Variants in PCDHGA12 observed in about 807,000 individuals in gnomAD.
PCDHGA12 encodes the protein protocadherin gamma-A12.
A neutral mutation model predicts 61.1 loss-of-function variants in PCDHGA12; 43 were observed. The observed-to-expected ratio is 0.70, with a 90% confidence interval of 0.55 to 0.91. The LOEUF is 0.91. Among genes scored for constraint, PCDHGA12 ranks in the 40% least tolerant of loss-of-function variants. The probability of loss-of-function intolerance (pLI) is 0.00; values close to 1 mark genes in which losing one functional copy is unlikely to be tolerated. For missense variants in PCDHGA12, 1,236 were observed against 1,227.7 expected, an observed-to-expected ratio of 1.01 and a Z score of -0.10; for synonymous variants, 520 against 542.9, an observed-to-expected ratio of 0.96 and a Z score of 0.59.
At chr5:141,497,214 G>C (rs929868102) in intron 2 of PCDHGA12, among the ~76,000 whole-genome samples, 2 of 152,138 alleles carry the variant, frequency 1.3e-5, no homozygotes, top group African/African-American at 4.8e-5. Flanking sequence ...TGTAATGGGG[G>C]GGGGAAGATC....
At chr5:141,466,281 C>T (rs555506496) in intron 1 of PCDHGA12, among the ~76,000 whole-genome samples, 76 of 152,252 alleles carry the variant, frequency 5.0e-4, no homozygotes, top group African/African-American at 1.7e-3. Context: ...AGCAATCTTC[C>T]CACCTCAGGC....
rs2099698809 is a variant in PCDHGA12 at position 141,490,343 on chromosome 5, T to C, written c.2425-4464T>C. On this transcript the variant is annotated intron_variant, in intron 1 of 3. Transcript: ENST00000252085. This position sits in a 1 kb window ranked among gnomAD's most constrained non-coding sequence, Gnocchi z 5.4. ...CTAGAGAGCACACCAGTGGGCACAG[T>C]AGTGGGGTTGTTTAATGTGCGAGAC... The C allele has an allele frequency of 6.2e-7, 1 of 1,614,018 alleles. No individual in the cohort carries two copies. Among genetic ancestry groups the C allele is most frequent in the Admixed American group, 1.7e-5 (1 of 60,006 alleles).
Position 141,483,648 on chromosome 5 carries a change from T to TTGTG in PCDHGA12, c.2425-11141_2425-11138dup, listed in dbSNP as rs111458813. ...GGAGAAGGTATAGAGGGGTGTGTGTTTGTGTGTGTGTGTGTGTGTGTAAAA... is the reference window on the plus strand; with the variant it reads ...GGAGAAGGTATAGAGGGGTGTGTGTTTGTGTGTGTGTGTGTGTGTGTGTGTAAAA... On this transcript the variant is annotated intron_variant, in intron 1 of 3. Coordinates refer to ENST00000252085, the MANE Select transcript of PCDHGA12 (RefSeq NM_003735.3). Among the ~76,000 whole-genome samples, 501 of 149,686 alleles carry TTGTG rather than the reference T, an allele frequency of 3.3e-3. 2 individuals are homozygous for TTGTG. Among genetic ancestry groups the TTGTG allele is most frequent in the African/African-American group, 7.3e-3 (297 of 40,842 alleles).
intron 3 of PCDHGA12, 61 bp downstream of exon 3, chr5:141,505,542 A>C: frequency 2.6e-5 from 42 of 1,604,950 alleles, no homozygotes; most frequent in Non-Finnish European, 3.2e-5. Flanking sequence ...GGTGCATCTC[A>C]CAGCCACCAT....
chr5:141,453,540 A>G (rs890130466), intron 1 of PCDHGA12, among the ~76,000 whole-genome samples: 2 of 152,058 alleles, frequency 1.3e-5, no homozygotes, highest in Non-Finnish European at 2.9e-5. Context: ...CCTCATTCAC[A>G]CCACACTCTG....
chr5:141,450,278 G>A (rs977381598), intron 1 of PCDHGA12, among the ~76,000 whole-genome samples: 1 of 152,026 alleles, frequency 6.6e-6, no homozygotes, highest in Non-Finnish European at 1.5e-5. Flanking sequence ...TCAGCTAAGT[G>A]CTGGGATTAC....
At position 141,430,914 on chromosome 5, in the gene PCDHGA12, T is replaced by G. The variant is rs750607631; in HGVS notation, c.155T>G (p.Leu52Arg). The G allele has an allele frequency of 6.2e-7, 1 of 1,607,676 alleles. No individual in the cohort carries two copies. The highest frequency in any genetic ancestry group is 8.5e-7 in the Non-Finnish European group (1 of 1,177,426). ...GSRVGDISRD[L>R]GLEPRELAER... ...AGGGTGGGCGACATCTCCAGGGACC[T>G]GGGGCTGGAGCCCCGGGAGCTCGCG... The change falls in exon 1 of 4, where the codon CTG becomes CGG. Residue 52 changes from leucine to arginine, a missense_variant. Physicochemically the swap from Leu to Arg is moderately radical, Grantham distance 102. Transcript: ENST00000252085.
rs769074023 is a variant in PCDHGA12, at chr5:141,491,738, G to A, written c.2425-3069G>A. ...GCGCCGCCCCGGGCGACCCCTGGGG[G>A]CGGCACTGGAGAAGCCGCCCGTCCT... On this transcript the variant is annotated intron_variant, in intron 1 of 3. Transcript: ENST00000252085. The surrounding 1 kb of genome is among the most constrained non-coding windows in gnomAD (Gnocchi z 6.9). 6.2e-7 allele frequency: 1 copy of A among 1,600,346 alleles called. No homozygotes were observed. The highest frequency in any genetic ancestry group is 8.5e-7 in the Non-Finnish European group (1 of 1,174,196).
intron 1 of PCDHGA12, among the ~76,000 whole-genome samples, chr5:141,459,494 G>C (rs1454297107): frequency 2.0e-5 from 3 of 152,200 alleles, no homozygotes; most frequent in African/African-American, 7.2e-5. Context: ...CTGAATTAAA[G>C]TGATGTGAAC....
At chr5:141,505,259 C>T in intron 2 of PCDHGA12, 134 bp from the exon 3 acceptor site, 2 of 1,500,262 alleles carry the variant, frequency 1.3e-6, no homozygotes, top group Admixed American at 2.0e-5. Flanking sequence ...GTGCCTCCTA[C>T]CTTGCTGAGA....
chr5:141,491,500 G>A lies in PCDHGA12; in HGVS notation c.2425-3307G>A. ...CAGCCCCAACCTGCAGGTGAGCTCG[G>A]ACGGCACGCTCAAGTACATGGAGGT... On this transcript the variant is annotated intron_variant, in intron 1 of 3. Transcript: ENST00000252085. The surrounding 1 kb of genome is among the most constrained non-coding windows in gnomAD (Gnocchi z 6.9). 3 of 1,614,102 alleles carry A rather than the reference G, an allele frequency of 1.9e-6. No homozygotes were observed. The highest frequency in any genetic ancestry group is 2.7e-5 in the African/African-American group (2 of 75,066).
At position 141,491,952 on chromosome 5, in the gene PCDHGA12, C is replaced by A; in HGVS notation, c.2425-2855C>A. 9.4e-7 allele frequency: 1 copy of A among 1,062,954 alleles called. No homozygotes were observed. The allele number at this position is 1,062,954 out of a possible 1,614,324, so 65.8% of individuals were successfully genotyped here. On this transcript the variant is annotated intron_variant, in intron 1 of 3. Coordinates refer to ENST00000252085, the MANE Select transcript of PCDHGA12 (RefSeq NM_003735.3). The surrounding 1 kb of genome is among the most constrained non-coding windows in gnomAD (Gnocchi z 6.9). ...GGTGGGACCGACCCCCACCCCTACA[C>A]TCAAAAAAGGCCGGGGCCTCCTTCG...
Position 141,490,365 on chromosome 5 carries a change from A to G in PCDHGA12, c.2425-4442A>G. The G allele has an allele frequency of 6.2e-7, 1 of 1,614,170 alleles. No individual in the cohort carries two copies. The highest frequency in any genetic ancestry group is 8.5e-7 in the Non-Finnish European group (1 of 1,180,030). On this transcript the variant is annotated intron_variant, in intron 1 of 3. Coordinates refer to ENST00000252085, the MANE Select transcript of PCDHGA12 (RefSeq NM_003735.3). The surrounding 1 kb of genome is among the most constrained non-coding windows in gnomAD (Gnocchi z 5.4). ...CAGTAGTGGGGTTGTTTAATGTGCG[A>G]GACCGGGACTCAGGTAGAAATGGTG...
intron 3 of PCDHGA12, among the ~76,000 whole-genome samples, chr5:141,510,227 C>T (rs1010123412): frequency 1.3e-5 from 2 of 150,454 alleles, no homozygotes; most frequent in African/African-American, 2.5e-5. Context: ...GAGCCGGGAT[C>T]GCGCCACTGC....
intron 2 of PCDHGA12, among the ~76,000 whole-genome samples, chr5:141,499,738 A>G (rs1284003023): frequency 2.4e-5 from 3 of 127,268 alleles, no homozygotes; most frequent in South Asian, 2.4e-4. Flanking sequence ...TCTCTTGCCC[A>G]GGCTGTGGCA....
chr5:141,508,270 G>C lies in PCDHGA12; in HGVS notation c.2573-2677G>C, dbSNP rs547745015. On this transcript the variant is annotated intron_variant, in intron 3 of 3. Coordinates refer to ENST00000252085, the MANE Select transcript of PCDHGA12 (RefSeq NM_003735.3). Reference sequence around the variant, plus strand: ...TCTCCTGGGACCAAGAGAAAATCCCGGTCCTTGACCAAGGTGGGCCTTGGG... The same window carrying C: ...TCTCCTGGGACCAAGAGAAAATCCCCGTCCTTGACCAAGGTGGGCCTTGGG... 4 of 152,228 alleles carry C rather than the reference G, an allele frequency of 2.6e-5. No individual in the cohort carries two copies. The East Asian group carries it at 7.7e-4, about 29-fold the overall frequency. 9.4% of individuals were successfully genotyped at this position (152,228 alleles called of 1,614,324 possible). A position where few individuals can be genotyped will look rare whatever the true frequency, so the allele number is the denominator to read the frequency against.
rs1036281905 is a variant in PCDHGA12 at position 141,493,555 on chromosome 5, T to C, written c.2425-1252T>C. ...GCCAGTTATCCTTTTGGAGATTGAG[T>C]TCCCCCAGCTCCGTTTCCTCCTATC... On this transcript the variant is annotated intron_variant, in intron 1 of 3. Transcript: ENST00000252085. This position sits in a 1 kb window ranked among gnomAD's most constrained non-coding sequence, Gnocchi z 4.3. Among the ~76,000 whole-genome samples, 3 of 152,012 alleles carry C rather than the reference T, an allele frequency of 2.0e-5. No individual in the cohort carries two copies. Among genetic ancestry groups the C allele is most frequent in the African/African-American group, 7.3e-5 (3 of 41,362 alleles).
Position 141,485,666 on chromosome 5 carries a change from A to C in PCDHGA12, c.2425-9141A>C. 1.2e-6 allele frequency: 2 copies of C among 1,612,786 alleles called. No homozygotes were observed. Among genetic ancestry groups the C allele is most frequent in the Non-Finnish European group, 1.7e-6 (2 of 1,178,960 alleles). ...GGCTCAGGATGCAGATGTGGGGAGCAATTCGATTAGCAGCTATAGGCTGAG... is the reference window on the plus strand; with the variant it reads ...GGCTCAGGATGCAGATGTGGGGAGCCATTCGATTAGCAGCTATAGGCTGAG... On this transcript the variant is annotated intron_variant, in intron 1 of 3. Transcript: ENST00000252085. This position sits in a 1 kb window ranked among gnomAD's most constrained non-coding sequence, Gnocchi z 5.7.
chr5:141,482,891 G>A (rs1594277958), intron 1 of PCDHGA12, among the ~76,000 whole-genome samples: 2 of 152,168 alleles, frequency 1.3e-5, no homozygotes, highest in East Asian at 3.8e-4. Flanking sequence ...GGCCAACATG[G>A]TGAAACCTCA....
Sources: gnomAD v4.1 joint callset for allele counts (sites outside exome capture counted in the v4.1 genomes callset) on GRCh38, gnomAD v4.1.1 for gene constraint, Gnocchi (gnomAD v3.1) non-coding constraint, MANE v1.5 for transcripts, NCBI Gene and HGNC (gene_info 2026-07-23, HGNC 2026-07-21) for gene names.